The following HCRTR2 variants were observed in gnomAD, a reference collection of about 807,000 sequenced individuals.
HCRTR2 encodes orexin receptor type 2.
A neutral mutation model predicts 49.0 loss-of-function variants in HCRTR2; 22 were observed. The observed-to-expected ratio is 0.45, with a 90% CI of 0.32 to 0.64. The LOEUF (loss-of-function observed/expected upper bound fraction) is 0.64. HCRTR2 is among the 30% of genes least tolerant of loss of function. The pLI is 0.04. For missense variants in HCRTR2, 491 were observed against 559.4 expected, an observed-to-expected ratio of 0.88 and a Z score of 1.23; for synonymous variants, 236 against 205.3, an observed-to-expected ratio of 1.15 and a Z score of -1.28.
intron 1 of HCRTR2, among the ~76,000 whole-genome samples, chr6:55,132,945 CA>C (rs970028732): frequency 4.0e-5 from 6 of 151,700 alleles, no homozygotes; most frequent in Non-Finnish European, 1.5e-5. Flanking sequence ...GAAGACTTTT[CA>C]AAACCAATAG....
intron 3 of HCRTR2, among the ~76,000 whole-genome samples, chr6:55,262,047 G>A (rs1766767122): frequency 1.3e-5 from 2 of 151,906 alleles, no homozygotes; most frequent in South Asian, 2.1e-4. Context: ...AACAACATAT[G>A]TTCTCACTCA....
At chr6:55,270,539 A>G (rs139964125) in intron 4 of HCRTR2, among the ~76,000 whole-genome samples, 8 of 152,330 alleles carry the variant, frequency 5.3e-5, no homozygotes, top group Non-Finnish European at 1.2e-4. Flanking sequence ...CTGCTCTAAA[A>G]TCCCAAACTT....
intron 1 of HCRTR2, among the ~76,000 whole-genome samples, chr6:55,140,790 T>C (rs1764495329): frequency 6.6e-6 from 1 of 152,184 alleles, no homozygotes; most frequent in African/African-American, 2.4e-5. Context: ...TTTTTTCTAC[T>C]GATTCATAGT....
chr6:55,274,845 T>C (rs1198237734), intron 4 of HCRTR2, among the ~76,000 whole-genome samples: 1 of 152,202 alleles, frequency 6.6e-6, no homozygotes, highest in East Asian at 1.9e-4. Context: ...AAATGTGACC[T>C]CATGAAATTT....
rs749332159 is a variant in HCRTR2 at position 55,282,316 on chromosome 6, T to C, written c.1197T>C (p.Thr399=). Residue 399 remains threonine (T), a synonymous_variant, in exon 7 of 7, where the codon ACT becomes ACC. Transcript: ENST00000370862. Reference sequence around the variant, plus strand: ...AGGATCGGCTCACCAGGGGACGAACTAGCACAGAGAGCCGGAAGTCCTTGA... The same window carrying C: ...AGGATCGGCTCACCAGGGGACGAACCAGCACAGAGAGCCGGAAGTCCTTGA... ...RQEDRLTRGR[T]STESRKSLTT... 1 of 1,613,704 alleles carries C rather than the reference T, an allele frequency of 6.2e-7. No individual in the cohort carries two copies. Among genetic ancestry groups the C allele is most frequent in the African/African-American group, 1.3e-5 (1 of 74,908 alleles).
intron 1 of HCRTR2, among the ~76,000 whole-genome samples, chr6:55,107,385 A>G (rs894153263): frequency 1.3e-5 from 2 of 152,246 alleles, no homozygotes; most frequent in Admixed American, 6.5e-5. Context: ...GGTTTCAGAG[A>G]TAATCCATAC....
Position 55,244,090 on chromosome 6 carries a change from A to T in HCRTR2, c.224-4549A>T, listed in dbSNP as rs546487059. Among the ~76,000 whole-genome samples, 307 of 152,158 alleles carry T rather than the reference A, an allele frequency of 2.0e-3. 3 individuals are homozygous for T. Among genetic ancestry groups the T allele is most frequent in the Non-Finnish European group, 3.4e-3 (234 of 67,922 alleles). The stretch of plus-strand genomic sequence containing the variant: ...TGTTTGACACACAGTGAAATATCAG[A>T]TTCACTCTGATGCTCTGTGTATTTT... On this transcript the variant is annotated intron_variant, in intron 1 of 6. Transcript: ENST00000370862.
chr6:55,241,011 T>C (rs1281547209), intron 1 of HCRTR2, among the ~76,000 whole-genome samples: 2 of 151,874 alleles, frequency 1.3e-5, no homozygotes, highest in Non-Finnish European at 2.9e-5. Context: ...TTATAGTACA[T>C]GTGCACAATG....
intron 1 of HCRTR2, among the ~76,000 whole-genome samples, chr6:55,163,034 G>A (rs911176974): frequency 6.6e-6 from 1 of 152,038 alleles, no homozygotes; most frequent in Admixed American, 6.6e-5. Flanking sequence ...GGATCAAGAG[G>A]TCAGGAGATT....
chr6:55,168,776 G>A (rs1039112894), intron 1 of HCRTR2, among the ~76,000 whole-genome samples: 6 of 151,728 alleles, frequency 4.0e-5, no homozygotes, highest in Non-Finnish European at 8.8e-5. Context: ...TCACTAAGTT[G>A]CCCAACCTGG....
In HCRTR2 at chr6:55,248,813, T is replaced by G; in HGVS notation, c.398T>G (p.Leu133Arg). The G allele has an allele frequency of 6.2e-7, 1 of 1,612,360 alleles. No homozygotes were observed. Among genetic ancestry groups the G allele is most frequent in the South Asian group, 1.1e-5 (1 of 91,050 alleles). Residue 133 changes from leucine to arginine, a missense_variant, in exon 2 of 7, where the codon CTA (leucine) becomes CGA (arginine). Coordinates refer to ENST00000370862, the MANE Select transcript of HCRTR2 (RefSeq NM_001384272.1). Reference protein sequence around the residue: ...GQSLCKVIPYLQTVSVSVSVL... With the variant: ...GQSLCKVIPYRQTVSVSVSVL... Reference sequence around the variant, plus strand: ...TCCCTTTGCAAAGTGATTCCTTATCTACAGGTAATTGTTTTTAATGCTTTT... The same window carrying G: ...TCCCTTTGCAAAGTGATTCCTTATCGACAGGTAATTGTTTTTAATGCTTTT...
upstream of HCRTR2, among the ~76,000 whole-genome samples, chr6:55,170,650 T>C (rs1258914963): frequency 2.6e-5 from 4 of 151,992 alleles, no homozygotes; most frequent in African/African-American, 4.8e-5. Flanking sequence ...TTGTTACATA[T>C]GTATGCATGC....
chr6:55,139,906 A>G (rs1177783564), intron 1 of HCRTR2, among the ~76,000 whole-genome samples: 2 of 152,212 alleles, frequency 1.3e-5, no homozygotes, highest in East Asian at 3.9e-4. Context: ...TTGAAATTCA[A>G]GAGGCATAAA....
chr6:55,175,136 G>A (rs1765017228), intron 1 of HCRTR2, among the ~76,000 whole-genome samples: 1 of 151,752 alleles, frequency 6.6e-6, no homozygotes, highest in Non-Finnish European at 1.5e-5. Flanking sequence ...TGTGTGTGTG[G>A]GTGGGTAGGT....
downstream of HCRTR2, among the ~76,000 whole-genome samples, chr6:55,283,663 CTAAAAG>C (rs1198343884): frequency 9.2e-5 from 14 of 152,084 alleles, no homozygotes; most frequent in African/African-American, 3.4e-4. Context: ...GAAAATTAAA[CTAAAAG>C]TAAAAGAAGT....
intron 1 of HCRTR2, among the ~76,000 whole-genome samples, chr6:55,116,383 T>C (rs1211388930): frequency 6.6e-6 from 1 of 151,642 alleles, no homozygotes; most frequent in Non-Finnish European, 1.5e-5. Context: ...GGAATATATA[T>C]ATTTTTCATC....
intron 1 of HCRTR2, among the ~76,000 whole-genome samples, chr6:55,222,577 C>T (rs1486664057): frequency 6.6e-6 from 1 of 152,070 alleles, no homozygotes; most frequent in South Asian, 2.1e-4. Flanking sequence ...GTGGCATGTA[C>T]ATATCATGGA....
chr6:55,253,194 GCACACA>G (rs34614654), intron 2 of HCRTR2, among the ~76,000 whole-genome samples: 5 of 148,698 alleles, frequency 3.4e-5, no homozygotes, highest in Non-Finnish European at 6.0e-5. Context: ...ACTTCATTTA[GCACACA>G]CACACACACA....
intron 1 of HCRTR2, among the ~76,000 whole-genome samples, chr6:55,133,664 T>A (rs1458576124): frequency 2.9e-5 from 1 of 34,044 alleles, no homozygotes. Flanking sequence ...CTATCTATCA[T>A]CTATCTATCT....
Sources: gnomAD v4.1 joint callset for allele counts (sites outside exome capture counted in the v4.1 genomes callset) on GRCh38, gnomAD v4.1.1 for gene constraint, MANE v1.5 for transcripts, NCBI Gene and HGNC (gene_info 2026-07-23, HGNC 2026-07-21) for gene names.